Variants in OR3A2 observed in about 807,000 individuals in gnomAD.
OR3A2 encodes the protein olfactory receptor 3A2.
For missense variants in OR3A2, 318 were observed against 392.8 expected (o/e 0.81, Z 1.61); for synonymous variants, 126 against 159.3 (o/e 0.79, Z 1.57).
At chr17:3,343,039 C>A (rs1362217073) in intron 2 of OR3A2, among the ~76,000 whole-genome samples, 1 of 152,200 alleles carries the variant, frequency 6.6e-6, no homozygotes, top group Non-Finnish European at 1.5e-5. Context: ...GAGCAAGGCT[C>A]CGTGGGCATG....
At chr17:3,342,651 A>C (rs1480974278) in intron 2 of OR3A2, among the ~76,000 whole-genome samples, 1 of 152,180 alleles carries the variant, frequency 6.6e-6, no homozygotes, top group Non-Finnish European at 1.5e-5. Flanking sequence ...TTCCTCTGGA[A>C]GCTTCGTCTC....
chr17:3,331,278 G>A (rs2049230592), intron 3 of OR3A2, among the ~76,000 whole-genome samples: 1 of 152,050 alleles, frequency 6.6e-6, no homozygotes, highest in Non-Finnish European at 1.5e-5. Flanking sequence ...CTAGATTGGG[G>A]AAGTTCTCCT....
chr17:3,336,801 T>A (rs928626762), intron 2 of OR3A2, among the ~76,000 whole-genome samples: 1 of 152,140 alleles, frequency 6.6e-6, no homozygotes, highest in South Asian at 2.1e-4. Context: ...TATCATTTTT[T>A]AAAAAAACTT....
chr17:3,328,869 T>C (rs997342252), intron 3 of OR3A2, among the ~76,000 whole-genome samples: 4 of 151,044 alleles, frequency 2.6e-5, no homozygotes, highest in Admixed American at 6.6e-5. Flanking sequence ...TTTATTGATT[T>C]GCGAAAATAC....
chr17:3,342,595 G>C (rs1022575713), intron 2 of OR3A2, among the ~76,000 whole-genome samples: 1 of 152,220 alleles, frequency 6.6e-6, no homozygotes, highest in East Asian at 1.9e-4. Context: ...AGTGGAGGCT[G>C]CAGAAGGGCA....
rs186476905 is a variant in OR3A2 at position 3,384,960 on chromosome 17, G to A, written c.-274-1061C>T. ...TAATCCCAGCACTTTGGGAGGCCAAGGCGGGTGGATCACCTGAGATCGGGA... is the reference window on the plus strand; with the variant it reads ...TAATCCCAGCACTTTGGGAGGCCAAAGCGGGTGGATCACCTGAGATCGGGA... On this transcript the variant is annotated intron_variant, in intron 1 of 4. Coordinates refer to the OR3A2 transcript ENST00000573491. Among the ~76,000 whole-genome samples, 205 of 152,276 alleles carry A rather than the reference G, an allele frequency of 1.3e-3. 6 individuals are homozygous for A. Among genetic ancestry groups the A allele is most frequent in the Admixed American group, 0.013 (204 of 15,300 alleles).
intron 3 of OR3A2, among the ~76,000 whole-genome samples, chr17:3,319,366 T>C (rs1237736088): frequency 1.3e-5 from 2 of 152,116 alleles, no homozygotes; most frequent in Non-Finnish European, 2.9e-5. Context: ...TTTTATTTTT[T>C]ATTCATTTTT....
intron 3 of OR3A2, among the ~76,000 whole-genome samples, chr17:3,319,699 A>ATTTT (rs1361618397): frequency 2.6e-5 from 4 of 152,186 alleles, no homozygotes; most frequent in South Asian, 4.1e-4. Flanking sequence ...TACAAAGGAC[A>ATTTT]TGAACTCATC....
intron 3 of OR3A2, among the ~76,000 whole-genome samples, chr17:3,293,369 A>G (rs1306494504): frequency 3.9e-5 from 6 of 152,190 alleles, no homozygotes; most frequent in East Asian, 1.9e-4. Flanking sequence ...AAAAAAATAC[A>G]TCAGTTCTAA....
At position 3,328,648 on chromosome 17, in the gene OR3A2, G is replaced by A. The variant is rs1276832382; in HGVS notation, c.-85+7385C>T. On this transcript the variant is annotated intron_variant, in intron 3 of 4. Transcript: ENST00000573491. ...CCTGCCTTGTGCCAGTTTTCAAAGG[G>A]AATGCTTCCAGTTTTTGTCCATTCA... is the stretch of plus-strand genomic sequence containing the variant. Among the ~76,000 whole-genome samples the A allele has an allele frequency of 9.4e-5, 14 of 149,410 alleles. No homozygotes were observed. The East Asian group carries it at 2.0e-3, about 21-fold the overall frequency.
At chr17:3,287,572 T>G (rs184794018), upstream of OR3A2, among the ~76,000 whole-genome samples, 9 of 152,362 alleles carry the variant, frequency 5.9e-5, no homozygotes, top group Admixed American at 2.0e-4. Flanking sequence ...TTGGACTTGC[T>G]GGATTTTCTT....
Position 3,301,490 on chromosome 17 carries a change from CT to C in OR3A2, c.-84-22338del, listed in dbSNP as rs1198640598. On this transcript the variant is annotated intron_variant, in intron 3 of 4. Transcript: ENST00000573491. The stretch of plus-strand genomic sequence containing the variant: ...TGTCTGTTGGCTGCATAAATGTCTT[CT>C]TTTGAGAAGTGTCTGTTCATATACT... 3.3e-5 allele frequency among the ~76,000 whole-genome samples: 5 copies of C among 152,144 alleles called. No individual in the cohort carries two copies. In the East Asian group the frequency reaches 7.7e-4, roughly 23 times the overall value.
chr17:3,278,049 G>C, exon 2 of OR3A2: 1 of 1,613,146 alleles, frequency 6.2e-7, no homozygotes, highest in Non-Finnish European at 8.5e-7. Flanking sequence ...GTAGATAAGA[G>C]GGTTCAGCAT....
chr17:3,323,627 G>C (rs1312095339), intron 3 of OR3A2, among the ~76,000 whole-genome samples: 4 of 151,946 alleles, frequency 2.6e-5, no homozygotes, highest in Admixed American at 6.6e-5. Context: ...AGCTTAGTTT[G>C]GCTGGATATG....
intron 2 of OR3A2, among the ~76,000 whole-genome samples, chr17:3,358,857 C>T (rs1298427567): frequency 6.6e-6 from 1 of 151,634 alleles, no homozygotes; most frequent in Non-Finnish European, 1.5e-5. Flanking sequence ...CCTTGATGAT[C>T]TGTCTAATAC....
intron 3 of OR3A2, among the ~76,000 whole-genome samples, chr17:3,316,105 C>G (rs2049080837): frequency 6.6e-6 from 1 of 152,170 alleles, no homozygotes; most frequent in African/African-American, 2.4e-5. Flanking sequence ...CCAGCACCCA[C>G]TTCCCTATTG....
At chr17:3,332,005 G>A (rs1170660050) in intron 3 of OR3A2, among the ~76,000 whole-genome samples, 1 of 152,056 alleles carries the variant, frequency 6.6e-6, no homozygotes, top group South Asian at 2.1e-4. Flanking sequence ...CTGCTGGGGG[G>A]TGCCTCCCAG....
chr17:3,372,156 C>G (rs1400069749), intron 2 of OR3A2, among the ~76,000 whole-genome samples: 5 of 149,366 alleles, frequency 3.3e-5, no homozygotes, highest in Non-Finnish European at 5.9e-5. Flanking sequence ...GGGTCGCGGC[C>G]GGGTAGAGGT....
intron 2 of OR3A2, among the ~76,000 whole-genome samples, chr17:3,380,859 G>C (rs529636904): frequency 1.3e-5 from 2 of 152,110 alleles, no homozygotes; most frequent in Non-Finnish European, 2.9e-5. Flanking sequence ...TGAGGCAGGC[G>C]GACTTGAGGC....
Sources: gnomAD v4.1 joint callset for allele counts (sites outside exome capture counted in the v4.1 genomes callset) on GRCh38, gnomAD v4.1.1 for gene constraint, MANE v1.5 for transcripts, NCBI Gene and HGNC (gene_info 2026-07-23, HGNC 2026-07-21) for gene names.